MAGI2: variants seen among roughly 807,000 people sequenced by gnomAD.
MAGI2 encodes membrane-associated guanylate kinase, WW and PDZ domain-containing protein 2.
Under a neutral mutation model 133.3 loss-of-function variants are expected in MAGI2, and 35 were observed. That is an observed-to-expected ratio of 0.26 (90% CI 0.20 to 0.35). MAGI2 has a LOEUF of 0.35. MAGI2 is among the 10% of genes least tolerant of loss of function. The pLI, the probability that MAGI2 is intolerant of heterozygous loss-of-function variation, is 1.00. For missense variants in MAGI2, 1,636 were observed against 1,863.4 expected (o/e 0.88, Z 2.25); for synonymous variants, 729 against 710.6 (o/e 1.03, Z -0.41).
chr7:78,611,189 A>G (rs569920314), intron 3 of MAGI2, among the ~76,000 whole-genome samples: 1 of 152,334 alleles, frequency 6.6e-6, no homozygotes, highest in South Asian at 2.1e-4. Context: ...CAACTCTGAC[A>G]AGAGAGTTCT....
intron 7 of MAGI2, among the ~76,000 whole-genome samples, chr7:78,348,899 A>C (rs577543116): frequency 6.6e-6 from 1 of 152,222 alleles, no homozygotes; most frequent in Non-Finnish European, 1.5e-5. Flanking sequence ...ATTAGCTTTC[A>C]GCTTTTAAGC....
At chr7:78,069,068 G>A (rs940885225) in intron 21 of MAGI2, among the ~76,000 whole-genome samples, 4 of 152,152 alleles carry the variant, frequency 2.6e-5, no homozygotes, top group African/African-American at 9.7e-5. Context: ...TGTCAAAAAG[G>A]CCTGATATGG....
chr7:79,242,985 G>C (rs1332598744), intron 1 of MAGI2, among the ~76,000 whole-genome samples: 1 of 152,098 alleles, frequency 6.6e-6, no homozygotes, highest in Non-Finnish European at 1.5e-5. Context: ...GGGAGGCTGA[G>C]GTGGGTGATC....
chr7:79,411,231 G>A (rs190627638), intron 1 of MAGI2: 1 of 146,488 alleles, frequency 6.8e-6, no homozygotes, highest in Non-Finnish European at 1.5e-5. Flanking sequence ...TCCCAAAGAC[G>A]TCTAGGTCTT....
intron 11 of MAGI2, among the ~76,000 whole-genome samples, chr7:78,199,407 G>A (rs964854855): frequency 6.6e-6 from 1 of 152,168 alleles, no homozygotes; most frequent in Admixed American, 6.5e-5. Flanking sequence ...AACATGTAGA[G>A]GCAACATGTT....
intron 20 of MAGI2, among the ~76,000 whole-genome samples, chr7:78,080,317 G>A (rs748597584): frequency 1.3e-5 from 2 of 152,352 alleles, no homozygotes; most frequent in Middle Eastern, 3.4e-3. Flanking sequence ...TGGATTTGGG[G>A]CAGTGGATGA....
chr7:78,113,612 C>G (rs895296517), intron 20 of MAGI2, among the ~76,000 whole-genome samples: 10 of 152,122 alleles, frequency 6.6e-5, no homozygotes. Context: ...AGGTTTGTAG[C>G]CTAGGAGCTA....
chr7:79,355,425 T>C (rs769332300), intron 1 of MAGI2, among the ~76,000 whole-genome samples: 4 of 152,274 alleles, frequency 2.6e-5, no homozygotes, highest in Non-Finnish European at 5.9e-5. Flanking sequence ...GAACTTTCTC[T>C]GCTGATCTTT....
chr7:78,970,458 T>C (rs943772180), intron 2 of MAGI2, among the ~76,000 whole-genome samples: 1 of 152,040 alleles, frequency 6.6e-6, no homozygotes, highest in Non-Finnish European at 1.5e-5. Context: ...TAACTTGAGA[T>C]CCCCTATGCT....
At chr7:78,652,077 A>G (rs1358086233) in intron 2 of MAGI2, among the ~76,000 whole-genome samples, 1 of 152,152 alleles carries the variant, frequency 6.6e-6, no homozygotes, top group Non-Finnish European at 1.5e-5. Flanking sequence ...CAACTGTCGA[A>G]TGAGTTAATG....
At position 78,289,428 on chromosome 7, in the gene MAGI2, C is replaced by T. The variant is rs148087358; in HGVS notation, c.1409-32847G>A. Among the ~76,000 whole-genome samples the T allele has an allele frequency of 1.9e-3, 292 of 152,208 alleles. 2 individuals are homozygous for T. The highest frequency in any genetic ancestry group is 0.012 in the South Asian group (58 of 4,814). ...AGAAAAAAGTAAAAAATGAACAAAG[C>T]CTCCAAGAAATATGGGATTATGTGA... is the stretch of plus-strand genomic sequence containing the variant. On this transcript the variant is annotated intron_variant, in intron 9 of 21. Coordinates refer to ENST00000354212, the MANE Select transcript of MAGI2 (RefSeq NM_012301.4).
chr7:79,053,918 T>A (rs1253410393), intron 1 of MAGI2, among the ~76,000 whole-genome samples: 2 of 152,020 alleles, frequency 1.3e-5, no homozygotes, highest in East Asian at 3.9e-4. Context: ...AAAATTTGGC[T>A]GGGAGCGGTG....
chr7:78,466,923 T>A (rs1790695059), intron 6 of MAGI2, among the ~76,000 whole-genome samples: 1 of 152,138 alleles, frequency 6.6e-6, no homozygotes, highest in Non-Finnish European at 1.5e-5. Context: ...AAGATACCTT[T>A]AGGTAGTAAA....
intron 1 of MAGI2, among the ~76,000 whole-genome samples, chr7:79,308,800 G>C (rs532081892): frequency 6.6e-6 from 1 of 152,236 alleles, no homozygotes; most frequent in East Asian, 1.9e-4. Context: ...CAGCTGTAAA[G>C]TAATAATCAT....
At chr7:78,279,572 A>C (rs967573869) in intron 9 of MAGI2, among the ~76,000 whole-genome samples, 2 of 152,152 alleles carry the variant, frequency 1.3e-5, no homozygotes, top group Admixed American at 6.5e-5. Context: ...GCTAGGAAAT[A>C]AAGAAGGGAG....
chr7:78,933,888 C>T (rs1392030052), intron 2 of MAGI2, among the ~76,000 whole-genome samples: 1 of 152,078 alleles, frequency 6.6e-6, no homozygotes, highest in African/African-American at 2.4e-5. Flanking sequence ...ATTCCCTCCG[C>T]ATCCCTAGAG....
At position 78,601,581 on chromosome 7, in the gene MAGI2, G is replaced by A. The variant is rs548466122; in HGVS notation, c.538+25539C>T. 1.1e-3 allele frequency among the ~76,000 whole-genome samples: 163 copies of A among 152,080 alleles called. 1 individual carries two copies. Among genetic ancestry groups the A allele is most frequent in the African/African-American group, 3.8e-3 (156 of 41,492 alleles). On this transcript the variant is annotated intron_variant, in intron 3 of 21. Coordinates refer to ENST00000354212, the MANE Select transcript of MAGI2 (RefSeq NM_012301.4). ...AATCCTGTTTCCTTTCAGTATTTAC[G>A]GGCATTTTTATAAGGTACTCAAATT...
chr7:78,629,391 T>C (rs1162048767), intron 2 of MAGI2, among the ~76,000 whole-genome samples: 2 of 152,004 alleles, frequency 1.3e-5, no homozygotes, highest in East Asian at 1.9e-4. Flanking sequence ...CAGTTTCTGA[T>C]CCTTTTTTCC....
chr7:79,045,626 A>G (rs1249488693), intron 1 of MAGI2, among the ~76,000 whole-genome samples: 1 of 152,154 alleles, frequency 6.6e-6, no homozygotes, highest in African/African-American at 2.4e-5. Flanking sequence ...CCCCATCTCT[A>G]CTAAAAATAC....
Sources: allele counts gnomAD v4.1 joint callset (sites outside exome capture counted in the v4.1 genomes callset), GRCh38; gene constraint gnomAD v4.1.1; transcripts MANE v1.5; gene names NCBI Gene and HGNC (gene_info 2026-07-23, HGNC 2026-07-21).